Variants in IL1RAPL2 observed in about 807,000 individuals in gnomAD.
IL1RAPL2 encodes the protein X-linked interleukin-1 receptor accessory protein-like 2.
In IL1RAPL2, 3 loss-of-function variants were observed where a neutral mutation model predicts 44.1. The ratio of observed to expected loss-of-function variants is 0.07; its 90% CI spans 0.03 to 0.18. IL1RAPL2 has a LOEUF of 0.18. Among genes scored for constraint, IL1RAPL2 ranks in the 10% least tolerant of loss-of-function variants. The pLI, the probability that IL1RAPL2 is intolerant of heterozygous loss-of-function variation, is 1.00. For missense variants in IL1RAPL2, 391 were observed against 496.4 expected (o/e 0.79, Z 2.02); for synonymous variants, 181 against 178.8 (o/e 1.01, Z -0.10).
chrX:105,310,515 A>G (rs764932964), intron 5 of IL1RAPL2, among the ~76,000 whole-genome samples: 5 of 110,833 alleles, frequency 4.5e-5, no homozygotes, highest in South Asian at 3.8e-4. Flanking sequence ...TTTGGGTTTA[A>G]TTTACTTGTC....
At chrX:105,126,965 A>C (rs761160297) in intron 2 of IL1RAPL2, among the ~76,000 whole-genome samples, 1 of 111,267 alleles carries the variant, frequency 9.0e-6, no homozygotes, top group Non-Finnish European at 1.9e-5. Context: ...ATAACCTTTG[A>C]TATTTTGCCC....
At chrX:105,405,727 C>T (rs2035639044) in intron 5 of IL1RAPL2, 2 of 969,442 alleles carry the variant, frequency 2.1e-6, no homozygotes, top group East Asian at 6.1e-5. Context: ...GACTGATTGT[C>T]ACACAAAAGT....
At chrX:104,632,916 G>T (rs1444455371) in intron 1 of IL1RAPL2, among the ~76,000 whole-genome samples, 2 of 111,366 alleles carry the variant, frequency 1.8e-5, no homozygotes, top group South Asian at 7.6e-4. Flanking sequence ...CCTGTCTTGT[G>T]CCCGTTTTCA....
Position 104,592,104 on chromosome X carries a change from T to C in IL1RAPL2, c.-20+25053T>C, listed in dbSNP as rs193302840. Among the ~76,000 whole-genome samples, 474 of 107,215 alleles carry C rather than the reference T, an allele frequency of 4.4e-3. 3 individuals carry two copies. The highest frequency in any genetic ancestry group is 0.015 in the African/African-American group (446 of 29,596). 93.1% of individuals were successfully genotyped at this position (107,215 alleles called of 115,157 possible). ...AGTGTTGACATTTTCTATCCTTTTG[T>C]GGCTTAGAAGATGCCATATGATTTT... On this transcript the variant is annotated intron_variant, in intron 1 of 10. Transcript: ENST00000372582.
intron 1 of IL1RAPL2, among the ~76,000 whole-genome samples, chrX:104,622,745 A>G (rs968130940): frequency 8.9e-6 from 1 of 111,743 alleles, no homozygotes; most frequent in East Asian, 2.8e-4. Context: ...GCTATGCTCA[A>G]TTTAGTTGAG....
chrX:104,980,599 T>C lies in IL1RAPL2; in HGVS notation c.83-214876T>C, dbSNP rs1333013946. On this transcript the variant is annotated intron_variant, in intron 2 of 10. Transcript: ENST00000372582. ...TCTGCCAATTCCCATTTTTGCCTTT[T>C]AAAATCCTTTAAGTGGTTGTAGGTG... Among the ~76,000 whole-genome samples the C allele has an allele frequency of 2.1e-4, 24 of 112,501 alleles. No homozygotes were observed. In the Admixed American group the frequency reaches 2.3e-3, roughly 11 times the overall value.
chrX:105,132,863 A>G (rs1445660466), intron 2 of IL1RAPL2, among the ~76,000 whole-genome samples: 1 of 111,892 alleles, frequency 8.9e-6, no homozygotes. Context: ...TCAAAGATGG[A>G]ACTTAATTGA....
chrX:105,407,572 A>G (rs2035657290), intron 5 of IL1RAPL2, among the ~76,000 whole-genome samples: 1 of 111,880 alleles, frequency 8.9e-6, no homozygotes, highest in Non-Finnish European at 1.9e-5. Context: ...CTGTCATACC[A>G]TATGAATATG....
At chrX:104,665,718 A>G (rs1035761105) in intron 2 of IL1RAPL2, among the ~76,000 whole-genome samples, 4 of 111,499 alleles carry the variant, frequency 3.6e-5, no homozygotes, top group Admixed American at 2.9e-4. Flanking sequence ...TTGACACTAT[A>G]TAACTAAATC....
chrX:105,591,414 C>T, intron 6 of IL1RAPL2, among the ~76,000 whole-genome samples: 1 of 110,321 alleles, frequency 9.1e-6, no homozygotes, highest in South Asian at 3.9e-4. Flanking sequence ...CTCTTAATGT[C>T]ATTAAGTTCA....
chrX:105,107,223 T>C (rs1030687802), intron 2 of IL1RAPL2, among the ~76,000 whole-genome samples: 1 of 112,128 alleles, frequency 8.9e-6, no homozygotes, highest in Non-Finnish European at 1.9e-5. Context: ...TACGGAGTAC[T>C]TACTCTTAGT....
At chrX:104,894,494 T>C (rs1218485879) in intron 2 of IL1RAPL2, among the ~76,000 whole-genome samples, 1 of 111,775 alleles carries the variant, frequency 8.9e-6, no homozygotes, top group Non-Finnish European at 1.9e-5. Flanking sequence ...CTTTTTACTC[T>C]TTTTTTCTCT....
intron 2 of IL1RAPL2, among the ~76,000 whole-genome samples, chrX:104,708,877 T>G (rs1186513414): frequency 9.0e-6 from 1 of 110,841 alleles, no homozygotes; most frequent in Non-Finnish European, 1.9e-5. Flanking sequence ...CTGGGCTGCT[T>G]TTCTGATTGG....
intron 1 of IL1RAPL2, among the ~76,000 whole-genome samples, chrX:104,584,272 C>T: frequency 9.0e-6 from 1 of 111,104 alleles, no homozygotes; most frequent in Non-Finnish European, 1.9e-5. Flanking sequence ...CTCAAGGTTA[C>T]AGGGCATGGT....
intron 1 of IL1RAPL2, among the ~76,000 whole-genome samples, chrX:104,581,873 T>C (rs1928353668): frequency 9.1e-6 from 1 of 110,380 alleles, no homozygotes; most frequent in Non-Finnish European, 1.9e-5. Context: ...AGAAAAAAAA[T>C]TGCTCCTTCC....
intron 6 of IL1RAPL2, among the ~76,000 whole-genome samples, chrX:105,694,654 T>C (rs938337352): frequency 1.8e-5 from 2 of 111,113 alleles, no homozygotes; most frequent in Admixed American, 9.6e-5. Flanking sequence ...TGAGATCTCA[T>C]ATTAATGGAC....
intron 2 of IL1RAPL2, among the ~76,000 whole-genome samples, chrX:105,011,197 T>C (rs906934850): frequency 9.9e-5 from 11 of 111,063 alleles, no homozygotes; most frequent in Non-Finnish European, 1.7e-4. Context: ...AAATATATTA[T>C]CAAACAGTGA....
At chrX:104,726,741 G>C (rs1931801877) in intron 2 of IL1RAPL2, among the ~76,000 whole-genome samples, 1 of 111,010 alleles carries the variant, frequency 9.0e-6, no homozygotes, top group Non-Finnish European at 1.9e-5. Flanking sequence ...TGTATCCTGA[G>C]ACTTTGCTGA....
At chrX:105,147,807 T>C (rs2033192256) in intron 2 of IL1RAPL2, among the ~76,000 whole-genome samples, 2 of 111,991 alleles carry the variant, frequency 1.8e-5, no homozygotes, top group South Asian at 7.5e-4. Context: ...TGAATATTCA[T>C]GTACAAGTTT....
Sources: allele counts gnomAD v4.1 joint callset (sites outside exome capture counted in the v4.1 genomes callset), GRCh38; gene constraint gnomAD v4.1.1; transcripts MANE v1.5; gene names NCBI Gene and HGNC (gene_info 2026-07-23, HGNC 2026-07-21).